ATF7IP: variants seen among roughly 807,000 people sequenced by gnomAD.
The protein encoded by ATF7IP is activating transcription factor 7 interacting protein.
In ATF7IP, 23 loss-of-function variants were observed where a neutral mutation model predicts 106.4. That is an observed-to-expected ratio of 0.22 (90% CI 0.16 to 0.31). ATF7IP has a LOEUF of 0.31. Among genes scored for constraint, ATF7IP ranks in the 10% least tolerant of loss-of-function variants. The pLI, the probability that ATF7IP is intolerant of heterozygous loss-of-function variation, is 1.00. For missense variants in ATF7IP, 1,334 were observed against 1,524.3 expected (o/e 0.88, Z 2.08); for synonymous variants, 542 against 539.0 (o/e 1.01, Z -0.08).
chr12:14,497,689 A>G lies in ATF7IP; in HGVS notation c.3429A>G (p.Pro1143=), dbSNP rs773527791. 1 of 1,614,168 alleles carries G rather than the reference A, an allele frequency of 6.2e-7. No individual in the cohort carries two copies. Among genetic ancestry groups the G allele is most frequent in the Non-Finnish European group, 8.5e-7 (1 of 1,180,020 alleles). ...PPRPVHPAPL[P]EAPQPQRLPP... ...GCCCCGTGCACCCAGCACCCTTACC[A>G]GAAGCTCCACAACCACAGCGTCTGC... Residue 1143 remains proline (P), a synonymous_variant, in exon 15 of 15, where the codon CCA becomes CCG. Transcript: ENST00000261168.
At chr12:14,463,845 T>C (rs535538954) in intron 9 of ATF7IP, among the ~76,000 whole-genome samples, 2 of 152,236 alleles carry the variant, frequency 1.3e-5, no homozygotes, top group African/African-American at 4.8e-5. Context: ...AGTTCAGATG[T>C]GTGGAAGAGA....
chr12:14,375,202 A>G (rs967950872), intron 1 of ATF7IP, among the ~76,000 whole-genome samples: 1 of 152,002 alleles, frequency 6.6e-6, no homozygotes, highest in African/African-American at 2.4e-5. Flanking sequence ...TTATCCACAG[A>G]TGTCAGAACT....
chr12:14,426,850 AG>A (rs369793917), intron 2 of ATF7IP, among the ~76,000 whole-genome samples: 32,627 of 48,894 alleles, frequency 0.67, 11,215 homozygotes, highest in South Asian at 0.76. Context: ...AAAAAAAAAA[AG>A]GATGGCTTTT....
intron 1 of ATF7IP, among the ~76,000 whole-genome samples, chr12:14,380,287 GTC>G (rs71067791): frequency 0.02 from 3,002 of 151,572 alleles, 32 homozygotes; most frequent in Middle Eastern, 0.031. Flanking sequence ...TTTTCTTTTG[GTC>G]TCTGTCATGT....
At chr12:14,405,660 C>G (rs1476928181) in intron 1 of ATF7IP, among the ~76,000 whole-genome samples, 3 of 152,108 alleles carry the variant, frequency 2.0e-5, no homozygotes, top group Admixed American at 6.5e-5. Flanking sequence ...CTCAAGCAGT[C>G]TTCCCACCTC....
chr12:14,433,893 A>G (rs1023582668), intron 2 of ATF7IP, among the ~76,000 whole-genome samples: 7 of 152,166 alleles, frequency 4.6e-5, no homozygotes, highest in African/African-American at 1.7e-4. Flanking sequence ...TCTCTATACC[A>G]TAAGCATTAA....
chr12:14,404,348 T>G (rs750228229), intron 1 of ATF7IP, among the ~76,000 whole-genome samples: 59 of 152,200 alleles, frequency 3.9e-4, no homozygotes, highest in Non-Finnish European at 1.3e-4. Context: ...CATCATTTCT[T>G]TAGAGTGGCT....
At chr12:14,413,638 A>G (rs1338861928) in intron 1 of ATF7IP, among the ~76,000 whole-genome samples, 1 of 152,220 alleles carries the variant, frequency 6.6e-6, no homozygotes, top group Non-Finnish European at 1.5e-5. Flanking sequence ...TTCACATCAT[A>G]TGTAAAGTTG....
At chr12:14,376,685 A>G (rs1480103395) in intron 1 of ATF7IP, among the ~76,000 whole-genome samples, 1 of 152,196 alleles carries the variant, frequency 6.6e-6, no homozygotes. Flanking sequence ...ATTTGTCAGT[A>G]TTCCTGGTTT....
chr12:14,416,944 C>T, intron 1 of ATF7IP: 1 of 985,192 alleles, frequency 1.0e-6, no homozygotes, highest in Non-Finnish European at 1.2e-6. Flanking sequence ...CAAGCTCCCT[C>T]TTGGGTATGT....
intron 1 of ATF7IP, chr12:14,385,485 TGA>T: frequency 7.9e-7 from 1 of 1,270,506 alleles, no homozygotes; most frequent in Admixed American, 2.3e-5. Flanking sequence ...CTTAGAGGGG[TGA>T]ACTTAGAGCT....
chr12:14,435,076 A>G (rs1003233990), intron 3 of ATF7IP, among the ~76,000 whole-genome samples: 2 of 151,836 alleles, frequency 1.3e-5, no homozygotes, highest in African/African-American at 4.8e-5. Flanking sequence ...TGACAGAGTG[A>G]CACCTTGAGA....
intron 1 of ATF7IP, among the ~76,000 whole-genome samples, chr12:14,396,047 C>A (rs780196929): frequency 9.9e-5 from 15 of 152,012 alleles, no homozygotes; most frequent in Non-Finnish European, 2.1e-4. Flanking sequence ...TAAAGAAATG[C>A]CAATGTATGT....
intron 13 of ATF7IP, among the ~76,000 whole-genome samples, chr12:14,495,557 A>AT (rs1228116830): frequency 6.6e-6 from 1 of 152,178 alleles, no homozygotes; most frequent in African/African-American, 2.4e-5. Context: ...TACTGAATAA[A>AT]TGGCAGGAAT....
At chr12:14,483,109 GGTATT>G (rs1331480099) in intron 13 of ATF7IP, among the ~76,000 whole-genome samples, 5 of 152,170 alleles carry the variant, frequency 3.3e-5, no homozygotes, top group Non-Finnish European at 7.3e-5. Flanking sequence ...GGTCCTGGCT[GGTATT>G]GATGACTACC....
At position 14,429,052 on chromosome 12, in the gene ATF7IP, A is replaced by G. The variant is rs539229994; in HGVS notation, c.1558+3579A>G. Among the ~76,000 whole-genome samples, 106 of 152,208 alleles carry G rather than the reference A, an allele frequency of 7.0e-4. 1 individual carries two copies. The highest frequency in any genetic ancestry group is 2.5e-3 in the African/African-American group (104 of 41,532). On this transcript the variant is annotated intron_variant, in intron 2 of 14. Coordinates refer to ENST00000261168, the MANE Select transcript of ATF7IP (RefSeq NM_018179.5). Reference sequence around the variant, plus strand: ...TACCATATACTTTCCTCTAACTACTATTTCATCTCTTTCCTTTCTTTTAGT... The same window carrying G: ...TACCATATACTTTCCTCTAACTACTGTTTCATCTCTTTCCTTTCTTTTAGT...
At chr12:14,375,555 A>G (rs959228511) in intron 1 of ATF7IP, among the ~76,000 whole-genome samples, 2 of 152,186 alleles carry the variant, frequency 1.3e-5, no homozygotes, top group Non-Finnish European at 2.9e-5. Flanking sequence ...AAAAATGAAG[A>G]AAGAAAAGAA....
chr12:14,437,584 T>C (rs1396694938), intron 4 of ATF7IP, among the ~76,000 whole-genome samples: 2 of 152,200 alleles, frequency 1.3e-5, no homozygotes, highest in Admixed American at 6.5e-5. Flanking sequence ...AATGAGAATA[T>C]GGAACTTTTT....
chr12:14,407,067 A>T (rs917898302), intron 1 of ATF7IP, among the ~76,000 whole-genome samples: 1 of 152,254 alleles, frequency 6.6e-6, no homozygotes, highest in East Asian at 1.9e-4. Context: ...ATTGTTTCTA[A>T]TCTTTAGTTC....
Sources: allele counts gnomAD v4.1 joint callset (sites outside exome capture counted in the v4.1 genomes callset), GRCh38; gene constraint gnomAD v4.1.1; transcripts MANE v1.5; gene names NCBI Gene and HGNC (gene_info 2026-07-23, HGNC 2026-07-21).